Variants in PPP1R7 observed in about 807,000 individuals in gnomAD.
PPP1R7 encodes the protein protein phosphatase 1 regulatory subunit 7.
PPP1R7 carries 18 observed loss-of-function variants against 45.2 expected under a neutral mutation model. The observed-to-expected ratio is 0.40, with a 90% CI of 0.28 to 0.59. The LOEUF (loss-of-function observed/expected upper bound fraction) is 0.59, where lower values mean the gene tolerates loss of function less well. Among genes scored for constraint, PPP1R7 ranks in the 20% least tolerant of loss-of-function variants. The pLI is 0.46. For missense variants in PPP1R7, 314 were observed against 455.8 expected, an observed-to-expected ratio of 0.69 and a Z score of 2.83; for synonymous variants, 181 against 183.4, an observed-to-expected ratio of 0.99 and a Z score of 0.11.
At chr2:241,181,441 C>T (rs1436306762) in intron 9 of PPP1R7, among the ~76,000 whole-genome samples, 4 of 151,996 alleles carry the variant, frequency 2.6e-5, no homozygotes, top group Admixed American at 6.6e-5. Flanking sequence ...GCGCGAGCCC[C>T]GTGATCACCC....
At chr2:241,162,085 G>C (rs2871619) in intron 6 of PPP1R7, among the ~76,000 whole-genome samples, 74,940 of 152,072 alleles carry the variant, frequency 0.49, 18,705 homozygotes, top group East Asian at 0.68. Flanking sequence ...TGTTAGAGAT[G>C]TCATGGCCAC....
upstream of PPP1R7, chr2:241,150,379 GGCGCGGCT>G: frequency 7.5e-7 from 1 of 1,333,498 alleles, no homozygotes; most frequent in Non-Finnish European, 9.6e-7. Context: ...ACGCAGGCGC[GGCGCGGCT>G]GAAGTCGCCG....
chr2:241,176,723 A>C (rs2067914187), intron 9 of PPP1R7, among the ~76,000 whole-genome samples: 1 of 152,102 alleles, frequency 6.6e-6, no homozygotes, highest in Non-Finnish European at 1.5e-5. Flanking sequence ...GGCTTCCCAA[A>C]GTGTTGGGAT....
chr2:241,169,979 CT>C, intron 9 of PPP1R7, 112 bp downstream of exon 9: 1 of 857,838 alleles, frequency 1.2e-6, no homozygotes, highest in Non-Finnish European at 1.9e-6. Flanking sequence ...TGCTGAGTGA[CT>C]CCGCACATCA....
In PPP1R7 at chr2:241,154,263, C is replaced by T. The variant is rs576236909; in HGVS notation, c.181+659C>T. ...AACCATATGTTTAGGAAATGAGATT[C>T]GAAATAAATGTTATGGCTGACTGCT... On this transcript the variant is annotated intron_variant, in intron 2 of 9. Coordinates refer to ENST00000234038, the MANE Select transcript of PPP1R7 (RefSeq NM_002712.3). Among the ~76,000 whole-genome samples, 8 of 150,902 alleles carry T rather than the reference C, an allele frequency of 5.3e-5. No homozygotes were observed. The South Asian group carries it at 1.3e-3, about 24-fold the overall frequency.
intron 2 of PPP1R7, among the ~76,000 whole-genome samples, chr2:241,154,710 A>G (rs1254239563): frequency 6.6e-6 from 1 of 152,184 alleles, no homozygotes; most frequent in Non-Finnish European, 1.5e-5. Context: ...CTCAAAACAA[A>G]AAAGTTTCTG....
intron 9 of PPP1R7, among the ~76,000 whole-genome samples, chr2:241,171,245 G>T (rs2067810525): frequency 6.6e-6 from 1 of 152,200 alleles, no homozygotes; most frequent in South Asian, 2.1e-4. Context: ...AGGCAGGCTG[G>T]TGATCAATCA....
At chr2:241,153,399 A>G in intron 1 of PPP1R7, 77 bp from the exon 2 acceptor site, 1 of 1,566,440 alleles carries the variant, frequency 6.4e-7, no homozygotes, top group Non-Finnish European at 8.7e-7. Context: ...CTTTTGACTT[A>G]CAACCGGGTG....
chr2:241,175,599 C>T (rs186624559), intron 9 of PPP1R7, among the ~76,000 whole-genome samples: 3 of 152,210 alleles, frequency 2.0e-5, no homozygotes, highest in Non-Finnish European at 4.4e-5. Flanking sequence ...GTGCCTGATA[C>T]ACTTTTTTCT....
intron 8 of PPP1R7, among the ~76,000 whole-genome samples, chr2:241,166,858 A>G (rs1020354733): frequency 2.0e-5 from 3 of 152,054 alleles, no homozygotes; most frequent in African/African-American, 7.2e-5. Context: ...TGACCTGTCC[A>G]TGGGTCCACT....
chr2:241,153,996 A>G (rs2067383137), intron 2 of PPP1R7, among the ~76,000 whole-genome samples: 1 of 151,904 alleles, frequency 6.6e-6, no homozygotes, highest in Non-Finnish European at 1.5e-5. Context: ...CCTGGCCAAC[A>G]TGGTGAAACC....
chr2:241,165,795 C>A (rs530789752), intron 7 of PPP1R7, among the ~76,000 whole-genome samples: 55 of 151,540 alleles, frequency 3.6e-4, no homozygotes, highest in South Asian at 2.7e-3. Context: ...GACGGGGTTT[C>A]ACCGTGTTAG....
In PPP1R7 at chr2:241,173,644, G is replaced by T. The variant is rs114801426; in HGVS notation, c.906+3777G>T. Reference sequence around the variant, plus strand: ...TCTGGAGACTATTTTCTCTAAAACTGCTTCTGCCCTTGCTCCTCACCCCGG... The same window carrying T: ...TCTGGAGACTATTTTCTCTAAAACTTCTTCTGCCCTTGCTCCTCACCCCGG... On this transcript the variant is annotated intron_variant, in intron 9 of 9. Coordinates refer to ENST00000234038, the MANE Select transcript of PPP1R7 (RefSeq NM_002712.3). Among the ~76,000 whole-genome samples, 743 of 152,266 alleles carry T rather than the reference G, an allele frequency of 4.9e-3. 6 individuals carry two copies. Among genetic ancestry groups the T allele is most frequent in the African/African-American group, 0.017 (723 of 41,540 alleles).
rs575954904 is a variant in PPP1R7, at chr2:241,173,833, G to C, written c.906+3966G>C. On this transcript the variant is annotated intron_variant, in intron 9 of 9. Transcript: ENST00000234038. ...GATCATGATCTTATCATCTGTAGTA[G>C]CCTATCTGCTGTTAAGCCCATGTCA... 2.0e-5 allele frequency among the ~76,000 whole-genome samples: 3 copies of C among 151,746 alleles called. No homozygotes were observed. In the South Asian group the frequency reaches 6.3e-4, roughly 32 times the overall value.
intron 5 of PPP1R7, 60 bp downstream of exon 5, chr2:241,159,403 C>T: frequency 1.3e-6 from 2 of 1,590,714 alleles, no homozygotes; most frequent in Non-Finnish European, 1.7e-6. Context: ...TGGGGGGTGT[C>T]CAGTCTCCAG....
At chr2:241,155,932 G>C (rs2067447174) in intron 2 of PPP1R7, among the ~76,000 whole-genome samples, 1 of 151,990 alleles carries the variant, frequency 6.6e-6, no homozygotes, top group Non-Finnish European at 1.5e-5. Context: ...TTCTTAGGTT[G>C]GTATCCTTTA....
At chr2:241,173,589 A>G (rs1401551061) in intron 9 of PPP1R7, among the ~76,000 whole-genome samples, 1 of 152,108 alleles carries the variant, frequency 6.6e-6, no homozygotes, top group African/African-American at 2.4e-5. Context: ...GGGTCTGTGA[A>G]TCTATGGTCT....
Position 241,158,493 on chromosome 2 carries a change from T to A in PPP1R7, c.247T>A (p.Leu83Met). The change falls in exon 4 of 10, where the codon TTG (leucine) becomes ATG (methionine). Residue 83 changes from leucine (L) to methionine (M), a missense_variant. By Grantham distance (15) the Leu-to-Met change is conservative. Around this residue, in one of 3 missense-constraint regions of PPP1R7, gnomAD observed 112 missense variants for 144.5 expected, o/e 0.78. Coordinates refer to ENST00000234038, the MANE Select transcript of PPP1R7 (RefSeq NM_002712.3). ...NLDRDAEDVD[L>M]NHYRIGKIEG... ...TTCTGCTTTGTTTCAGGATGTTGAT[T>A]TGAATCACTATCGCATAGGGAAGAT... The A allele has an allele frequency of 1.9e-6, 3 of 1,614,096 alleles. No homozygotes were observed. Among genetic ancestry groups the A allele is most frequent in the Non-Finnish European group, 2.5e-6 (3 of 1,179,928 alleles).
chr2:241,166,501 C>G, intron 8 of PPP1R7, 60 bp downstream of exon 8: 1 of 1,455,442 alleles, frequency 6.9e-7, no homozygotes, highest in Non-Finnish European at 9.6e-7. Flanking sequence ...CGGGCAGGCA[C>G]CTGGCCAGCC....
Sources: allele counts gnomAD v4.1 joint callset (sites outside exome capture counted in the v4.1 genomes callset), GRCh38; gene constraint gnomAD v4.1.1; regional missense constraint gnomAD v4.1.1; transcripts MANE v1.5; gene names NCBI Gene and HGNC (gene_info 2026-07-23, HGNC 2026-07-21).